PTPRD: variants seen among roughly 807,000 people sequenced by gnomAD.
PTPRD encodes protein tyrosine phosphatase receptor type D.
A neutral mutation model predicts 214.5 loss-of-function variants in PTPRD; 34 were observed. That is an observed-to-expected ratio of 0.16 (90% CI 0.12 to 0.21). PTPRD has a LOEUF of 0.21. PTPRD is among the 10% of genes least tolerant of loss of function. The pLI, the probability that PTPRD is intolerant of heterozygous loss-of-function variation, is 1.00. For synonymous variants in PTPRD, 1,128 were observed against 845.7 expected, an observed-to-expected ratio of 1.33 and a Z score of -5.79; for missense variants, 2,545 against 2,398.7, an observed-to-expected ratio of 1.06 and a Z score of -1.27.
At chr9:8,909,767 A>G (rs943304233) in intron 11 of PTPRD, among the ~76,000 whole-genome samples, 5 of 151,570 alleles carry the variant, frequency 3.3e-5, no homozygotes, top group African/African-American at 1.2e-4. Context: ...AGAGATAGAG[A>G]CAGAGATAGA....
At chr9:10,479,554 C>T (rs1258482977) in intron 2 of PTPRD, among the ~76,000 whole-genome samples, 1 of 151,812 alleles carries the variant, frequency 6.6e-6, no homozygotes, top group African/African-American at 2.4e-5. Context: ...TTCCAGTAAT[C>T]AAGTGACAAC....
chr9:9,049,624 G>T (rs1198260034), intron 10 of PTPRD, among the ~76,000 whole-genome samples: 1 of 152,042 alleles, frequency 6.6e-6, no homozygotes, highest in Non-Finnish European at 1.5e-5. Flanking sequence ...AGGTAGTTAT[G>T]ACTATGAGGA....
intron 5 of PTPRD, among the ~76,000 whole-genome samples, chr9:9,856,231 CT>C (rs1210057393): frequency 2.0e-5 from 3 of 152,246 alleles, no homozygotes; most frequent in Admixed American, 6.5e-5. Flanking sequence ...TCCAGCCACT[CT>C]TCCTCTCTGC....
intron 12 of PTPRD, among the ~76,000 whole-genome samples, chr9:8,705,829 G>A (rs1278987249): frequency 6.6e-6 from 1 of 152,128 alleles, no homozygotes; most frequent in African/African-American, 2.4e-5. Context: ...TTCCCTAGGT[G>A]TTTCTTTTGG....
At chr9:10,455,589 G>A (rs747008117) in intron 2 of PTPRD, among the ~76,000 whole-genome samples, 11 of 151,380 alleles carry the variant, frequency 7.3e-5, no homozygotes, top group Admixed American at 1.3e-4. Context: ...CCTTTTGTTC[G>A]TGATCTCTCT....
In PTPRD at chr9:9,841,449, T is replaced by C. The variant is rs953637023; in HGVS notation, c.-367-74598A>G. Among the ~76,000 whole-genome samples the C allele has an allele frequency of 7.2e-5, 11 of 152,222 alleles. No individual in the cohort carries two copies. The South Asian group carries it at 1.2e-3, about 17-fold the overall frequency. ...TCTTTGATTTGGGATAAGTAGTACA[T>C]GAGATAATCCATGAAGAAAATGTAT... On this transcript the variant is annotated intron_variant, in intron 5 of 45. Transcript: ENST00000381196.
chr9:9,707,807 A>G (rs2097652968), intron 7 of PTPRD, among the ~76,000 whole-genome samples: 1 of 152,116 alleles, frequency 6.6e-6, no homozygotes, highest in South Asian at 2.1e-4. Flanking sequence ...TGCTATATAA[A>G]GGACTATTGA....
chr9:10,360,848 A>G lies in PTPRD; in HGVS notation c.-599-19831T>C, dbSNP rs368713827. Among the ~76,000 whole-genome samples, 6 of 152,322 alleles carry G rather than the reference A, an allele frequency of 3.9e-5. No individual in the cohort carries two copies. In the South Asian group the frequency reaches 8.3e-4, roughly 21 times the overall value. Reference sequence around the variant, plus strand: ...CCAGGCGCGGTGGCTCACGCCTGTAATCCCAGCACTTTGGGAGGCCAAGAC... The same window carrying G: ...CCAGGCGCGGTGGCTCACGCCTGTAGTCCCAGCACTTTGGGAGGCCAAGAC... On this transcript the variant is annotated intron_variant, in intron 2 of 45. Transcript: ENST00000381196.
intron 5 of PTPRD, among the ~76,000 whole-genome samples, chr9:9,788,956 C>G (rs1480898806): frequency 6.6e-6 from 1 of 152,096 alleles, no homozygotes; most frequent in Non-Finnish European, 1.5e-5. Context: ...TTTCCGGTGC[C>G]TCTCTAACAC....
chr9:8,997,243 G>T (rs897072063), intron 11 of PTPRD, among the ~76,000 whole-genome samples: 3 of 151,996 alleles, frequency 2.0e-5, no homozygotes, highest in African/African-American at 7.2e-5. Context: ...ATGGTGCTTT[G>T]TTTTTTCTGC....
rs140562198 is a variant in PTPRD at position 8,465,706 on chromosome 9, A to G, written c.3505-31T>C. 1.0e-3 allele frequency: 1,627 copies of G among 1,557,918 alleles called. 31 individuals carry two copies. The East Asian group carries it at 0.032, about 31-fold the overall frequency. ...GGAAAAAAGTGGGAAACAGAAAAAG[A>G]ACTGTAAATAATAACCCAGCTTATT... On this transcript the variant is annotated intron_variant, in intron 31 of 45. Coordinates refer to ENST00000381196, the MANE Select transcript of PTPRD (RefSeq NM_002839.4).
chr9:9,243,829 A>G (rs1225470474), intron 9 of PTPRD, among the ~76,000 whole-genome samples: 1 of 152,186 alleles, frequency 6.6e-6, no homozygotes. Context: ...GTATTCAATT[A>G]GGAAAAGAGG....
intron 11 of PTPRD, among the ~76,000 whole-genome samples, chr9:8,964,737 A>G (rs1024340541): frequency 6.6e-6 from 1 of 151,948 alleles, no homozygotes; most frequent in Non-Finnish European, 1.5e-5. Flanking sequence ...CATCCCAGAG[A>G]TTTTGTTTTG....
intron 11 of PTPRD, among the ~76,000 whole-genome samples, chr9:8,761,546 T>G (rs138465672): frequency 1.1e-3 from 172 of 152,280 alleles, no homozygotes; most frequent in East Asian, 8.7e-3. Flanking sequence ...AACCCAGGGT[T>G]GCAGCACAGA....
At chr9:10,136,245 T>C (rs955079947) in intron 3 of PTPRD, among the ~76,000 whole-genome samples, 11 of 152,022 alleles carry the variant, frequency 7.2e-5, no homozygotes, top group Non-Finnish European at 2.9e-5. Flanking sequence ...CAAGTACTTC[T>C]TGGACTGCAG....
intron 2 of PTPRD, among the ~76,000 whole-genome samples, chr9:10,542,381 A>G (rs2059304329): frequency 6.6e-6 from 1 of 152,204 alleles, no homozygotes. Context: ...AGTACAAAAC[A>G]TAAATCTTAA....
At chr9:10,550,919 C>T (rs1205545896) in intron 2 of PTPRD, among the ~76,000 whole-genome samples, 4 of 152,160 alleles carry the variant, frequency 2.6e-5, no homozygotes, top group African/African-American at 4.8e-5. Context: ...TTATTCACTT[C>T]GGTATTAACT....
intron 3 of PTPRD, among the ~76,000 whole-genome samples, chr9:10,036,814 C>T (rs2097191549): frequency 6.6e-6 from 1 of 152,016 alleles, no homozygotes; most frequent in Non-Finnish European, 1.5e-5. Flanking sequence ...GATCTCTTGA[C>T]CTTGTGATCT....
intron 11 of PTPRD, among the ~76,000 whole-genome samples, chr9:8,779,316 C>T (rs897969555): frequency 1.3e-5 from 2 of 151,898 alleles, no homozygotes; most frequent in African/African-American, 4.8e-5. Flanking sequence ...TTAACCAAGG[C>T]AACCAAGTAC....
Sources: gnomAD v4.1 joint callset for allele counts (sites outside exome capture counted in the v4.1 genomes callset) on GRCh38, gnomAD v4.1.1 for gene constraint, MANE v1.5 for transcripts, NCBI Gene and HGNC (gene_info 2026-07-23, HGNC 2026-07-21) for gene names.